The following EYS variants were observed in gnomAD, a reference collection of about 807,000 sequenced individuals.
EYS encodes EGF-like photoreceptor maintenance factor.
EYS carries 250 observed loss-of-function variants against 282.1 expected under a neutral mutation model. That is an observed-to-expected ratio of 0.89 (90% confidence interval 0.80 to 0.98). EYS has a LOEUF of 0.98. EYS is among the 50% of genes least tolerant of loss of function. The pLI is 0.00. For missense variants in EYS, 4,016 were observed against 3,709.0 expected, an observed-to-expected ratio of 1.08 and a Z score of -2.15; for synonymous variants, 1,355 against 1,282.9, an observed-to-expected ratio of 1.06 and a Z score of -1.20.
intron 30 of EYS, among the ~76,000 whole-genome samples, chr6:64,289,043 A>G (rs557627134): frequency 6.6e-6 from 1 of 152,174 alleles, no homozygotes; most frequent in South Asian, 2.1e-4. Context: ...TGCTTCATCT[A>G]AAATGCATAT....
intron 2 of EYS, among the ~76,000 whole-genome samples, chr6:65,607,761 T>C (rs1442450711): frequency 6.6e-6 from 1 of 151,838 alleles, no homozygotes; most frequent in Non-Finnish European, 1.5e-5. Flanking sequence ...CACACATACA[T>C]TATGCAGAAT....
intron 2 of EYS, among the ~76,000 whole-genome samples, chr6:65,501,430 G>A (rs1243481079): frequency 6.6e-6 from 1 of 151,400 alleles, no homozygotes; most frequent in East Asian, 1.9e-4. Context: ...ATTTTTTCTA[G>A]AATATTTTAT....
At chr6:64,440,206 G>T (rs528585621) in intron 26 of EYS, among the ~76,000 whole-genome samples, 1 of 151,802 alleles carries the variant, frequency 6.6e-6, no homozygotes, top group Admixed American at 6.6e-5. Context: ...GTGAGTTTTA[G>T]TTTGCTGTCT....
At chr6:64,954,468 C>T (rs1769623553) in intron 14 of EYS, among the ~76,000 whole-genome samples, 1 of 151,842 alleles carries the variant, frequency 6.6e-6, no homozygotes, top group African/African-American at 2.4e-5. Flanking sequence ...CCCTAGTACA[C>T]AAATAATAAG....
At chr6:65,409,047 A>C (rs1183299004) in intron 5 of EYS, among the ~76,000 whole-genome samples, 2 of 152,112 alleles carry the variant, frequency 1.3e-5, no homozygotes, top group Non-Finnish European at 2.9e-5. Flanking sequence ...ATTTCTAATT[A>C]GTTTTGTGAG....
intron 35 of EYS, among the ~76,000 whole-genome samples, chr6:63,901,548 C>T (rs149983043): frequency 1.6e-3 from 239 of 152,212 alleles, no homozygotes; most frequent in South Asian, 5.4e-3. Context: ...AGAATAAACA[C>T]AAAATTATCT....
At chr6:64,096,565 C>T (rs766389507) in intron 31 of EYS, among the ~76,000 whole-genome samples, 14 of 152,196 alleles carry the variant, frequency 9.2e-5, no homozygotes, top group Non-Finnish European at 1.3e-4. Flanking sequence ...CTTGTGCATT[C>T]GTCACGTAGT....
chr6:65,046,891 T>C (rs1773118923), intron 13 of EYS, among the ~76,000 whole-genome samples: 1 of 151,836 alleles, frequency 6.6e-6, no homozygotes, highest in Non-Finnish European at 1.5e-5. Context: ...TTGTGATAAG[T>C]GAGCTCTCAT....
At chr6:65,561,757 A>G (rs1769067929) in intron 2 of EYS, among the ~76,000 whole-genome samples, 2 of 152,016 alleles carry the variant, frequency 1.3e-5, no homozygotes, top group South Asian at 2.1e-4. Flanking sequence ...GAAATGCAAA[A>G]GCAATGAAAA....
At chr6:65,317,777 TCTTCCTTCCTTCCTTCCTTCCTTC>T (rs911036026) in intron 11 of EYS, among the ~76,000 whole-genome samples, 1 of 57,392 alleles carries the variant, frequency 1.7e-5, no homozygotes, top group African/African-American at 6.5e-5. Context: ...CTACATTTTC[TCTTCCTTCCTTCCTTCCTTCCTTC>T]CTTCCTTCCT....
intron 30 of EYS, among the ~76,000 whole-genome samples, chr6:64,305,603 G>A (rs897394370): frequency 1.3e-5 from 2 of 152,156 alleles, no homozygotes; most frequent in African/African-American, 2.4e-5. Context: ...TTTTTGACAA[G>A]GGTGCCACAT....
intron 41 of EYS, among the ~76,000 whole-genome samples, chr6:63,733,718 T>C (rs1231334555): frequency 6.6e-6 from 1 of 152,142 alleles, no homozygotes; most frequent in African/African-American, 2.4e-5. Flanking sequence ...TCTATGAACC[T>C]CAGTTCTCTC....
intron 26 of EYS, among the ~76,000 whole-genome samples, chr6:64,517,910 A>G (rs1777614294): frequency 6.6e-6 from 1 of 151,726 alleles, no homozygotes; most frequent in Non-Finnish European, 1.5e-5. Context: ...TTACTTGGCA[A>G]AGCACATTTA....
At chr6:64,190,734 G>T (rs1264043172) in intron 31 of EYS, among the ~76,000 whole-genome samples, 1 of 152,114 alleles carries the variant, frequency 6.6e-6, no homozygotes, top group African/African-American at 2.4e-5. Flanking sequence ...GGCGCCTGAG[G>T]ATGTGTTAGG....
chr6:64,666,523 T>C (rs971552837), intron 22 of EYS, among the ~76,000 whole-genome samples: 10 of 152,242 alleles, frequency 6.6e-5, no homozygotes, highest in African/African-American at 2.4e-4. Context: ...ACTTTCACTG[T>C]GTCAACTTCA....
At chr6:65,514,466 G>A (rs988040196) in intron 2 of EYS, among the ~76,000 whole-genome samples, 1 of 152,138 alleles carries the variant, frequency 6.6e-6, no homozygotes, top group Admixed American at 6.5e-5. Context: ...AACCAAAAAA[G>A]AGCTTGCATT....
At chr6:64,311,606 T>C (rs1490956220) in intron 29 of EYS, among the ~76,000 whole-genome samples, 1 of 152,126 alleles carries the variant, frequency 6.6e-6, no homozygotes, top group Non-Finnish European at 1.5e-5. Context: ...TAGGAACAGC[T>C]CTGGTGTGCA....
In EYS at chr6:64,097,833, G is replaced by A. The variant is rs144052379; in HGVS notation, c.6425-15831C>T. Among the ~76,000 whole-genome samples, 296 of 152,220 alleles carry A rather than the reference G, an allele frequency of 1.9e-3. 1 individual carries two copies. The highest frequency in any genetic ancestry group is 6.8e-3 in the Middle Eastern group (2 of 294). On this transcript the variant is annotated intron_variant, in intron 31 of 42. Transcript: ENST00000503581. ...GGAAGAAAATTATAATTAGTAAGTCGTTGGTAATGAAAACCAGAACACAAA... is the reference window on the plus strand; with the variant it reads ...GGAAGAAAATTATAATTAGTAAGTCATTGGTAATGAAAACCAGAACACAAA...
intron 26 of EYS, among the ~76,000 whole-genome samples, chr6:64,464,704 G>A (rs557271828): frequency 6.6e-6 from 1 of 152,056 alleles, no homozygotes; most frequent in East Asian, 1.9e-4. Flanking sequence ...TTCCTACTAT[G>A]TTCTGTTATA....
Sources: allele counts gnomAD v4.1 joint callset (sites outside exome capture counted in the v4.1 genomes callset), GRCh38; gene constraint gnomAD v4.1.1; transcripts MANE v1.5; gene names NCBI Gene and HGNC (gene_info 2026-07-23, HGNC 2026-07-21).